The following CRACR2A variants were observed in gnomAD, a reference collection of about 807,000 sequenced individuals.
CRACR2A encodes the protein calcium release activated channel regulator 2A, also known as EF-hand calcium-binding domain-containing protein 4B.
A neutral mutation model predicts 90.5 loss-of-function variants in CRACR2A; 79 were observed. That is an observed-to-expected ratio of 0.87 (90% CI 0.73 to 1.05). The LOEUF (loss-of-function observed/expected upper bound fraction) is 1.05. Among genes scored for constraint, CRACR2A ranks in the 50% least tolerant of loss-of-function variants. The pLI, the probability that CRACR2A is intolerant of heterozygous loss-of-function variation, is 0.00. For missense variants in CRACR2A, 823 were observed against 897.2 expected (o/e 0.92, Z 1.06); for synonymous variants, 338 against 356.7 (o/e 0.95, Z 0.59).
chr12:3,719,229 A>T (rs1320133734), intron 2 of CRACR2A, among the ~76,000 whole-genome samples: 2 of 152,200 alleles, frequency 1.3e-5, no homozygotes, highest in Non-Finnish European at 2.9e-5. Context: ...CAGGCAATGT[A>T]GAGGTGCAGA....
intron 3 of CRACR2A, among the ~76,000 whole-genome samples, chr12:3,708,720 C>G (rs909363967): frequency 6.6e-6 from 1 of 152,210 alleles, no homozygotes; most frequent in Admixed American, 6.5e-5. Context: ...CCATCATGCC[C>G]GGCCAGCATT....
rs764139729 is a variant in CRACR2A, at chr12:3,619,328, C to T, written c.1977G>A (p.Lys659=). ...DRVPVLLLGN[K]LDNEKEREVP... The stretch of plus-strand genomic sequence containing the variant: ...CTTCCCGCTCCTTCTCGTTGTCAAG[C>T]TTATTACCCAGCAGAAGAACAGGCA... Residue 659 remains lysine (K), a synonymous_variant, in exon 18 of 20, where the codon AAG becomes AAA. Transcript: ENST00000440314. 119 of 1,551,576 alleles carry T rather than the reference C, an allele frequency of 7.7e-5. No homozygotes were observed. The highest frequency in any genetic ancestry group is 9.9e-5 in the Non-Finnish European group (113 of 1,147,010).
chr12:3,676,361 G>T (rs1945335292), intron 6 of CRACR2A, among the ~76,000 whole-genome samples: 1 of 152,112 alleles, frequency 6.6e-6, no homozygotes, highest in Non-Finnish European at 1.5e-5. Flanking sequence ...GAGATAAGAG[G>T]GTCTCAGAGA....
intron 4 of CRACR2A, 32 bp from the exon 5 acceptor site, chr12:3,680,381 C>T: frequency 1.3e-6 from 2 of 1,568,038 alleles, no homozygotes; most frequent in Admixed American, 1.7e-5. Flanking sequence ...CTGGTTAACA[C>T]TGACACTCAC....
intron 1 of CRACR2A, among the ~76,000 whole-genome samples, chr12:3,736,867 C>T (rs1268191085): frequency 6.6e-6 from 1 of 152,168 alleles, no homozygotes; most frequent in Non-Finnish European, 1.5e-5. Context: ...GAGGAGGCCA[C>T]CGGTGAACTC....
At position 3,619,265 on chromosome 12, in the gene CRACR2A, C is replaced by A. The variant is rs374686212; in HGVS notation, c.2034+6G>T. ...GTCCAGAGAGATGGAAATGCTTGCTCTTTACCGTGGCAAGCTGCTCTCCGA... is the reference window on the plus strand; with the variant it reads ...GTCCAGAGAGATGGAAATGCTTGCTATTTACCGTGGCAAGCTGCTCTCCGA... On this transcript the variant is annotated splice_donor_region_variant and intron_variant, in intron 18 of 19. Coordinates refer to ENST00000440314, the MANE Select transcript of CRACR2A (RefSeq NM_001144958.2). 1.3e-6 allele frequency: 2 copies of A among 1,550,054 alleles called. No homozygotes were observed. Among genetic ancestry groups the A allele is most frequent in the Non-Finnish European group, 1.7e-6 (2 of 1,145,566 alleles).
intron 10 of CRACR2A, among the ~76,000 whole-genome samples, chr12:3,649,887 A>G (rs1016835463): frequency 4.6e-5 from 7 of 152,036 alleles, no homozygotes; most frequent in Non-Finnish European, 5.9e-5. Context: ...GGAAGGAAAG[A>G]TGGGGTAATT....
At chr12:3,662,774 G>A (rs1352219250) in intron 7 of CRACR2A, among the ~76,000 whole-genome samples, 3 of 152,238 alleles carry the variant, frequency 2.0e-5, no homozygotes, top group African/African-American at 7.2e-5. Flanking sequence ...CAGGAGCCCC[G>A]CAGTGGCTGC....
At chr12:3,670,552 T>G (rs781262407) in intron 7 of CRACR2A, among the ~76,000 whole-genome samples, 1 of 152,146 alleles carries the variant, frequency 6.6e-6, no homozygotes, top group African/African-American at 2.4e-5. Flanking sequence ...ATTTCCAGTC[T>G]CTTGTTTGAT....
chr12:3,738,153 T>G (rs1185499423), intron 1 of CRACR2A, among the ~76,000 whole-genome samples: 1 of 152,246 alleles, frequency 6.6e-6, no homozygotes, highest in African/African-American at 2.4e-5. Context: ...TTTTGTCAAT[T>G]TTCCAACAAC....
At position 3,710,254 on chromosome 12, in the gene CRACR2A, C is replaced by T. The variant is rs1400424833; in HGVS notation, c.-37+2983G>A. Among the ~76,000 whole-genome samples, 6 of 152,294 alleles carry T rather than the reference C, an allele frequency of 3.9e-5. No homozygotes were observed. The East Asian group carries it at 1.2e-3, about 29-fold the overall frequency. On this transcript the variant is annotated intron_variant, in intron 3 of 19. Coordinates refer to ENST00000440314, the MANE Select transcript of CRACR2A (RefSeq NM_001144958.2). ...TGCCTCAGCATCTTCAAATATATAGCTCAGTCATCTGGCATGCCCTTTCTG... is the reference window on the plus strand; with the variant it reads ...TGCCTCAGCATCTTCAAATATATAGTTCAGTCATCTGGCATGCCCTTTCTG...
rs1944492190 is a variant in CRACR2A at position 3,638,162 on chromosome 12, G to A, written c.1564C>T (p.Pro522Ser). The A allele has an allele frequency of 1.3e-6, 2 of 1,549,686 alleles. No individual in the cohort carries two copies. Among genetic ancestry groups the A allele is most frequent in the Non-Finnish European group, 1.7e-6 (2 of 1,145,434 alleles). Residue 522 changes from proline (P) to serine (S), a missense_variant, in exon 14 of 20, where the codon CCC becomes TCC. By Grantham distance (74) the Pro-to-Ser change is moderately conservative. Coordinates refer to ENST00000440314, the MANE Select transcript of CRACR2A (RefSeq NM_001144958.2). Reference protein sequence around the residue: ...APPLKLTPTSPRGQPVGKEAL... With the variant: ...APPLKLTPTSSRGQPVGKEAL... ...TCTTTTCCAACAGGCTGCCCTCGGGGGGATGTGGGGGTGAGTTTCAAGGGT... is the reference window on the plus strand; with the variant it reads ...TCTTTTCCAACAGGCTGCCCTCGGGAGGATGTGGGGGTGAGTTTCAAGGGT...
intron 1 of CRACR2A, among the ~76,000 whole-genome samples, chr12:3,744,345 AT>A (rs1946576802): frequency 6.6e-6 from 1 of 152,266 alleles, no homozygotes; most frequent in South Asian, 2.1e-4. Flanking sequence ...CATGGTTCAC[AT>A]AATACAAACC....
chr12:3,747,803 AG>A (rs1307384000), intron 1 of CRACR2A, among the ~76,000 whole-genome samples: 1 of 152,204 alleles, frequency 6.6e-6, no homozygotes, highest in Non-Finnish European at 1.5e-5. Flanking sequence ...GTGCACCTGT[AG>A]CACGTGTGCT....
chr12:3,659,706 G>A (rs551547017), intron 7 of CRACR2A, 52 bp from the exon 8 acceptor site: 60 of 1,438,056 alleles, frequency 4.2e-5, no homozygotes, highest in African/African-American at 2.8e-4. Flanking sequence ...ACTCCACAGC[G>A]GTAGCTCCTG....
At chr12:3,668,712 T>C (rs994018891) in intron 7 of CRACR2A, among the ~76,000 whole-genome samples, 5 of 152,200 alleles carry the variant, frequency 3.3e-5, no homozygotes, top group South Asian at 2.1e-4. Context: ...CAGGCCATCA[T>C]AGCTGGGGCT....
At chr12:3,622,057 C>T (rs1353263151) in intron 17 of CRACR2A, among the ~76,000 whole-genome samples, 1 of 152,154 alleles carries the variant, frequency 6.6e-6, no homozygotes, top group Non-Finnish European at 1.5e-5. Context: ...AAGTCTGGAA[C>T]TATCTGTCTA....
intron 1 of CRACR2A, among the ~76,000 whole-genome samples, chr12:3,749,159 G>T (rs895777240): frequency 2.0e-5 from 3 of 152,222 alleles, no homozygotes; most frequent in African/African-American, 7.2e-5. Context: ...TTGTAGTGAG[G>T]CTTCCATAAG....
chr12:3,696,451 C>A (rs567188989), intron 4 of CRACR2A, among the ~76,000 whole-genome samples: 1 of 152,122 alleles, frequency 6.6e-6, no homozygotes, highest in African/African-American at 2.4e-5. Context: ...CAAGTTGATG[C>A]CTTTCTACTT....
Sources: allele counts gnomAD v4.1 joint callset (sites outside exome capture counted in the v4.1 genomes callset), GRCh38; gene constraint gnomAD v4.1.1; transcripts MANE v1.5; gene names NCBI Gene and HGNC (gene_info 2026-07-23, HGNC 2026-07-21).